RASGRF1: variants seen among roughly 807,000 people sequenced by gnomAD.
RASGRF1 encodes the protein ras-specific guanine nucleotide-releasing factor 1.
Under a neutral mutation model 138.7 loss-of-function variants are expected in RASGRF1, and 40 were observed. The observed-to-expected ratio is 0.29, with a 90% confidence interval of 0.22 to 0.38. The LOEUF is 0.38. Among genes scored for constraint, RASGRF1 ranks in the 10% least tolerant of loss-of-function variants. The pLI is 1.00. For missense variants in RASGRF1, 1,108 were observed against 1,650.4 expected, an observed-to-expected ratio of 0.67 and a Z score of 5.69; for synonymous variants, 614 against 663.2, an observed-to-expected ratio of 0.93 and a Z score of 1.14.
intron 14 of RASGRF1, chr15:79,005,333 T>C: frequency 1.0e-6 from 1 of 985,376 alleles, no homozygotes; most frequent in Non-Finnish European, 1.2e-6. Context: ...ATTCAGGAGC[T>C]CTGCTCCAGG....
At chr15:78,987,372 C>T (rs1395932406) in intron 22 of RASGRF1, among the ~76,000 whole-genome samples, 1 of 151,910 alleles carries the variant, frequency 6.6e-6, no homozygotes, top group Non-Finnish European at 1.5e-5. Flanking sequence ...CATCATTCCA[C>T]ATGGGGAAAT....
chr15:78,985,969 A>C (rs1038095084), intron 22 of RASGRF1: 1 of 151,970 alleles, frequency 6.6e-6, no homozygotes, highest in African/African-American at 2.4e-5. Flanking sequence ...ACAAACAAAC[A>C]TACAAAAAAC....
At chr15:78,994,009 G>A (rs1389656970) in intron 20 of RASGRF1, among the ~76,000 whole-genome samples, 1 of 152,214 alleles carries the variant, frequency 6.6e-6, no homozygotes, top group Non-Finnish European at 1.5e-5. Context: ...CTGGGGACAA[G>A]AGAGGGCAGC....
chr15:78,965,658 C>G (rs562369012), intron 26 of RASGRF1, among the ~76,000 whole-genome samples: 37 of 152,274 alleles, frequency 2.4e-4, no homozygotes, highest in African/African-American at 8.9e-4. Context: ...TGAGACTAGC[C>G]TGGCCAGTGT....
intron 22 of RASGRF1, among the ~76,000 whole-genome samples, chr15:78,987,119 C>T (rs1402335500): frequency 1.3e-5 from 2 of 152,178 alleles, no homozygotes; most frequent in Admixed American, 6.5e-5. Context: ...ATTACACACC[C>T]ATTTGTTTAA....
At chr15:79,051,376 C>T (rs920358521) in intron 3 of RASGRF1, among the ~76,000 whole-genome samples, 1 of 152,166 alleles carries the variant, frequency 6.6e-6, no homozygotes, top group South Asian at 2.1e-4. Flanking sequence ...ACCCCCTCCC[C>T]CTTTTCGATC....
chr15:79,049,594 A>G lies in RASGRF1; in HGVS notation c.532-6T>C. ...TCCTTGAGCAGGGATGTGATCTGCA[A>G]CAGCAACACAGGTCAGCCTGTGAGG... On this transcript the variant is annotated splice_polypyrimidine_tract_variant and splice_region_variant and intron_variant, in intron 3 of 26. Coordinates refer to ENST00000558480, the MANE Select transcript of RASGRF1 (RefSeq NM_001145648.3). The G allele has an allele frequency of 6.2e-7, 1 of 1,611,134 alleles. No individual in the cohort carries two copies. The highest frequency in any genetic ancestry group is 8.5e-7 in the Non-Finnish European group (1 of 1,178,564).
chr15:79,072,545 G>T (rs1420136551), intron 1 of RASGRF1, among the ~76,000 whole-genome samples: 2 of 152,094 alleles, frequency 1.3e-5, no homozygotes, highest in Non-Finnish European at 2.9e-5. Flanking sequence ...AAAGTGCTGG[G>T]ACTACAGGCG....
intron 1 of RASGRF1, among the ~76,000 whole-genome samples, chr15:79,066,601 G>C (rs1317739860): frequency 6.6e-6 from 1 of 152,216 alleles, no homozygotes; most frequent in Non-Finnish European, 1.5e-5. Flanking sequence ...GAGCTGCATG[G>C]GGTGATGGGC....
At chr15:79,016,017 T>C (rs1341392650) in intron 12 of RASGRF1, among the ~76,000 whole-genome samples, 2 of 152,132 alleles carry the variant, frequency 1.3e-5, no homozygotes, top group South Asian at 2.1e-4. Context: ...TCCAAAAATA[T>C]TCAAAATCCA....
rs2057791895 is a variant in RASGRF1 at position 79,073,694 on chromosome 15, G to T, written c.277-9168C>A. Among the ~76,000 whole-genome samples, 1 of 152,180 alleles carries T rather than the reference G, an allele frequency of 6.6e-6. No homozygotes were observed. Among genetic ancestry groups the T allele is most frequent in the African/African-American group, 2.4e-5 (1 of 41,426 alleles). On this transcript the variant is annotated intron_variant, in intron 1 of 26. Transcript: ENST00000558480. The surrounding 1 kb of genome is among the most constrained non-coding windows in gnomAD (Gnocchi z 4.2). ...AAGACTGGCTGCCCTGGAACACCTG[G>T]ATTCCACCTCTTCTCAGTTACGTGT...
intron 26 of RASGRF1, among the ~76,000 whole-genome samples, chr15:78,967,663 A>T (rs2055669358): frequency 6.6e-6 from 1 of 152,206 alleles, no homozygotes; most frequent in Admixed American, 6.5e-5. Flanking sequence ...CCTGTTTTAC[A>T]TATTTCTTCC....
chr15:79,075,850 G>A (rs1249283074), intron 1 of RASGRF1, among the ~76,000 whole-genome samples: 3 of 152,202 alleles, frequency 2.0e-5, no homozygotes, highest in Non-Finnish European at 2.9e-5. Context: ...ATCTCTCTGA[G>A]CCCTGGTTCC....
chr15:79,006,871 G>A lies in RASGRF1; in HGVS notation c.1827-437C>T, dbSNP rs866520244. Among the ~76,000 whole-genome samples the A allele has an allele frequency of 4.6e-5, 7 of 152,240 alleles. No individual in the cohort carries two copies. The highest frequency in any genetic ancestry group is 4.1e-4 in the South Asian group (2 of 4,828). ...TCTTAAAAATACAAAAGTTAGCTAG[G>A]TGTGGTGGCCCATACCTGTAATACC... is the stretch of plus-strand genomic sequence containing the variant. On this transcript the variant is annotated intron_variant, in intron 13 of 26. Coordinates refer to ENST00000558480, the MANE Select transcript of RASGRF1 (RefSeq NM_001145648.3). This position sits in a 1 kb window ranked among gnomAD's most constrained non-coding sequence, Gnocchi z 4.0.
intron 26 of RASGRF1, among the ~76,000 whole-genome samples, 174 bp from the exon 27 acceptor site, chr15:78,962,410 G>T (rs1440656256): frequency 6.6e-6 from 1 of 152,124 alleles, no homozygotes; most frequent in East Asian, 1.9e-4. Flanking sequence ...TTAAGCAGTC[G>T]ACGTAAGTAT....
chr15:79,038,479 T>G (rs776822802), intron 5 of RASGRF1, among the ~76,000 whole-genome samples: 1 of 152,176 alleles, frequency 6.6e-6, no homozygotes, highest in African/African-American at 2.4e-5. Flanking sequence ...CTAAAAAAAT[T>G]ATCTCATATT....
chr15:79,080,092 C>T (rs1361021394), intron 1 of RASGRF1, among the ~76,000 whole-genome samples: 1 of 151,968 alleles, frequency 6.6e-6, no homozygotes, highest in African/African-American at 2.4e-5. Context: ...GGTACTCTTG[C>T]CTGAGCAACT....
intron 20 of RASGRF1, among the ~76,000 whole-genome samples, chr15:78,993,259 GGTGTGGTGT>G (rs1026727714): frequency 1.2e-4 from 10 of 80,484 alleles, no homozygotes; most frequent in African/African-American, 3.9e-4. Context: ...TGGTGTGTGT[GGTGTGGTGT>G]GTGTGGTGTG....
intron 13 of RASGRF1, among the ~76,000 whole-genome samples, chr15:79,011,733 G>T (rs2056798621): frequency 6.6e-6 from 1 of 152,252 alleles, no homozygotes; most frequent in Non-Finnish European, 1.5e-5. Context: ...GGCAGGGAGA[G>T]AGGTGGCACA....
Sources: allele counts gnomAD v4.1 joint callset (sites outside exome capture counted in the v4.1 genomes callset), GRCh38; gene constraint gnomAD v4.1.1; non-coding constraint Gnocchi (gnomAD v3.1); transcripts MANE v1.5; gene names NCBI Gene and HGNC (gene_info 2026-07-23, HGNC 2026-07-21).